PIK3C2G: variants seen among roughly 807,000 people sequenced by gnomAD.
PIK3C2G encodes phosphatidylinositol 3-kinase C2 domain-containing subunit gamma.
Under a neutral mutation model 181.1 loss-of-function variants are expected in PIK3C2G, and 168 were observed. That is an observed-to-expected ratio of 0.93 (90% CI 0.82 to 1.05). The LOEUF is 1.05. Ranked by LOEUF, PIK3C2G falls within the 50% of genes least tolerant of loss-of-function variation. The probability of loss-of-function intolerance (pLI) is 0.00; values close to 1 mark genes in which losing one functional copy is unlikely to be tolerated. For missense variants in PIK3C2G, 1,869 were observed against 1,732.8 expected, an observed-to-expected ratio of 1.08 and a Z score of -1.40; for synonymous variants, 573 against 592.2, an observed-to-expected ratio of 0.97 and a Z score of 0.47.
chr12:18,554,587 T>C (rs1465250524), intron 26 of PIK3C2G, among the ~76,000 whole-genome samples: 1 of 152,116 alleles, frequency 6.6e-6, no homozygotes. Context: ...TGTTTTATCA[T>C]GTACCCAGAA....
At chr12:18,520,002 T>TAAAA (rs889312316) in intron 24 of PIK3C2G, among the ~76,000 whole-genome samples, 36 of 46,260 alleles carry the variant, frequency 7.8e-4, no homozygotes, top group African/African-American at 9.8e-4. Context: ...CAATAAATAC[T>TAAAA]AAAAAAAAAA....
intron 18 of PIK3C2G, among the ~76,000 whole-genome samples, chr12:18,433,055 T>C (rs1946252415): frequency 6.6e-6 from 1 of 152,022 alleles, no homozygotes; most frequent in African/African-American, 2.4e-5. Flanking sequence ...AAGCTCAAAA[T>C]TGTTGCCCCT....
chr12:18,709,651 A>G, the PIK3C2G span, among the ~76,000 whole-genome samples: 1 of 152,032 alleles, frequency 6.6e-6, no homozygotes, highest in Non-Finnish European at 1.5e-5. Flanking sequence ...GAAGGCCAAG[A>G]TGAGAGGATC....
At chr12:18,423,796 C>T (rs12424423) in intron 17 of PIK3C2G, 149 bp from the exon 18 acceptor site, 129,588 of 604,746 alleles carry the variant, frequency 0.21, 15,109 homozygotes, top group Admixed American at 0.36. Context: ...AGTCATATAC[C>T]GACTCATAAA....
chr12:18,707,902 A>G, the PIK3C2G span, among the ~76,000 whole-genome samples: 2 of 152,162 alleles, frequency 1.3e-5, no homozygotes, highest in Non-Finnish European at 2.9e-5. Flanking sequence ...TACTTAAGGT[A>G]TACAACATGA....
intron 31 of PIK3C2G, among the ~76,000 whole-genome samples, chr12:18,627,181 G>A (rs1040192412): frequency 5.3e-5 from 8 of 151,410 alleles, no homozygotes; most frequent in African/African-American, 1.9e-4. Context: ...CATTTTTTCA[G>A]TTCAGTCATT....
intron 15 of PIK3C2G, among the ~76,000 whole-genome samples, chr12:18,399,254 T>TA (rs1296174840): frequency 9.4e-5 from 14 of 148,724 alleles, no homozygotes; most frequent in Admixed American, 9.3e-4. Context: ...AGTTAATTTA[T>TA]AAAAAATAAA....
intron 1 of PIK3C2G, among the ~76,000 whole-genome samples, chr12:18,266,037 A>C (rs939142649): frequency 4.3e-5 from 6 of 140,944 alleles, no homozygotes; most frequent in African/African-American, 1.0e-4. Flanking sequence ...AAAAAAAAAA[A>C]AAAACACTAC....
At chr12:18,474,040 A>T (rs1938723489) in intron 18 of PIK3C2G, among the ~76,000 whole-genome samples, 1 of 152,190 alleles carries the variant, frequency 6.6e-6, no homozygotes, top group Admixed American at 6.6e-5. Flanking sequence ...AATCTGGAAC[A>T]ATCTGAGCTA....
intron 31 of PIK3C2G, among the ~76,000 whole-genome samples, chr12:18,614,887 G>T (rs1351797599): frequency 2.0e-5 from 3 of 151,922 alleles, no homozygotes; most frequent in African/African-American, 7.3e-5. Context: ...CTTTCATTCT[G>T]AATTACTTAT....
chr12:18,369,011 G>A (rs542845366), intron 12 of PIK3C2G, among the ~76,000 whole-genome samples: 3 of 152,174 alleles, frequency 2.0e-5, no homozygotes, highest in South Asian at 2.1e-4. Context: ...ACCTCAGTCC[G>A]CACCTTTCAG....
chr12:18,581,060 G>A (rs570295471), intron 29 of PIK3C2G, among the ~76,000 whole-genome samples: 2 of 152,312 alleles, frequency 1.3e-5, no homozygotes, highest in South Asian at 4.1e-4. Flanking sequence ...AATATGTTCA[G>A]ATGACATAGG....
chr12:18,687,449 G>C, the PIK3C2G span, among the ~76,000 whole-genome samples: 47 of 152,154 alleles, frequency 3.1e-4, no homozygotes, highest in East Asian at 5.6e-3. Context: ...TCAATCCCAG[G>C]AACCTATCCT....
intron 16 of PIK3C2G, among the ~76,000 whole-genome samples, chr12:18,404,638 A>C (rs985658455): frequency 6.6e-6 from 1 of 152,202 alleles, no homozygotes; most frequent in Non-Finnish European, 1.5e-5. Context: ...TAGTGTGTGC[A>C]TGGTTATACA....
chr12:18,407,823 T>C (rs60031057), intron 16 of PIK3C2G, among the ~76,000 whole-genome samples: 15,842 of 152,138 alleles, frequency 0.1, 1,170 homozygotes, highest in Admixed American at 0.26. Flanking sequence ...TAAATATGAC[T>C]AAGTCTTGAG....
intron 28 of PIK3C2G, among the ~76,000 whole-genome samples, chr12:18,563,723 T>C (rs1945466952): frequency 6.6e-6 from 1 of 152,172 alleles, no homozygotes; most frequent in South Asian, 2.1e-4. Flanking sequence ...CAGTCATTGA[T>C]TTTGTAGACA....
chr12:18,698,799 A>G, the PIK3C2G span, among the ~76,000 whole-genome samples: 1 of 152,166 alleles, frequency 6.6e-6, no homozygotes, highest in Non-Finnish European at 1.5e-5. Flanking sequence ...ATACTCTTTT[A>G]GTTATTTTTA....
chr12:18,641,366 T>C (rs1045664035), intron 32 of PIK3C2G, among the ~76,000 whole-genome samples: 1 of 152,130 alleles, frequency 6.6e-6, no homozygotes, highest in African/African-American at 2.4e-5. Context: ...ATCAATAGAC[T>C]CCTAACTGCT....
chr12:18,422,111 A>G (rs1174994803), intron 17 of PIK3C2G, among the ~76,000 whole-genome samples: 1 of 152,106 alleles, frequency 6.6e-6, no homozygotes, highest in African/African-American at 2.4e-5. Flanking sequence ...CTCATTTGAA[A>G]GTCTCTATCT....
Sources: allele counts gnomAD v4.1 joint callset (sites outside exome capture counted in the v4.1 genomes callset), GRCh38; gene constraint gnomAD v4.1.1; transcripts MANE v1.5; gene names NCBI Gene and HGNC (gene_info 2026-07-23, HGNC 2026-07-21).